NCKAP5: variants seen among roughly 807,000 people sequenced by gnomAD.
The protein encoded by NCKAP5 is NCK associated protein 5, also known as nck-associated protein 5.
In NCKAP5, 92 loss-of-function variants were observed where a neutral mutation model predicts 167.0. The ratio of observed to expected loss-of-function variants is 0.55; its 90% CI spans 0.47 to 0.66. The LOEUF (loss-of-function observed/expected upper bound fraction) is 0.66, where lower values mean the gene tolerates loss of function less well. NCKAP5 is among the 30% of genes least tolerant of loss of function. The probability of loss-of-function intolerance (pLI) is 0.00; values close to 1 mark genes in which losing one functional copy is unlikely to be tolerated. For synonymous variants in NCKAP5, 891 were observed against 877.4 expected (o/e 1.02, Z -0.27); for missense variants, 2,378 against 2,315.0 (o/e 1.03, Z -0.56).
intron 11 of NCKAP5, among the ~76,000 whole-genome samples, chr2:132,849,701 G>A (rs1688932517): frequency 6.6e-6 from 1 of 152,192 alleles, no homozygotes; most frequent in East Asian, 1.9e-4. Context: ...ATGTGGTGCA[G>A]AGGGGATGTG....
At chr2:133,537,642 C>T (rs550414926) in intron 2 of NCKAP5, among the ~76,000 whole-genome samples, 2 of 152,006 alleles carry the variant, frequency 1.3e-5, no homozygotes, top group African/African-American at 4.8e-5. Flanking sequence ...AAAACTAGTT[C>T]GTATTTCCTT....
At chr2:132,996,982 G>C (rs2077621768) in intron 6 of NCKAP5, among the ~76,000 whole-genome samples, 1 of 152,198 alleles carries the variant, frequency 6.6e-6, no homozygotes, top group Non-Finnish European at 1.5e-5. Flanking sequence ...GCATGTATTT[G>C]AGTGACTCAG....
At chr2:133,224,285 G>A (rs2086787925) in intron 4 of NCKAP5, among the ~76,000 whole-genome samples, 1 of 152,116 alleles carries the variant, frequency 6.6e-6, no homozygotes, top group Non-Finnish European at 1.5e-5. Context: ...GTGACTTTGT[G>A]GTCTTTCTGC....
Position 133,079,809 on chromosome 2 carries a change from T to G in NCKAP5, c.341+50169A>C, listed in dbSNP as rs535275558. On this transcript the variant is annotated intron_variant, in intron 6 of 19. Coordinates refer to ENST00000409261, the MANE Select transcript of NCKAP5 (RefSeq NM_207363.3). Reference sequence around the variant, plus strand: ...CACCTACCTTTTCACTTATTACATTTGAATATCTTTCCATGTATTCAAAAT... The same window carrying G: ...CACCTACCTTTTCACTTATTACATTGGAATATCTTTCCATGTATTCAAAAT... Among the ~76,000 whole-genome samples the G allele has an allele frequency of 2.4e-4, 36 of 152,310 alleles. No individual in the cohort carries two copies. In the Middle Eastern group the frequency reaches 0.017, roughly 72 times the overall value.
Position 132,782,757 on chromosome 2 carries a change from G to A in NCKAP5, c.4054C>T (p.Leu1352=), listed in dbSNP as rs1683156414. 5 of 1,613,920 alleles carry A rather than the reference G, an allele frequency of 3.1e-6. No homozygotes were observed. The highest frequency in any genetic ancestry group is 4.2e-6 in the Non-Finnish European group (5 of 1,179,838). Residue 1352 remains leucine (L), a synonymous_variant, in exon 14 of 20, where the codon CTG becomes TTG. Transcript: ENST00000409261. ...SGHPSSGKGS[L]GSSGSFSSQH... is the part of the protein sequence containing the mutation. ...CTGCTGAAGCTGCCTGAGCTCCCCAGGGAGCCCTTCCCGGAGGAGGGGTGC... is the reference window on the plus strand; with the variant it reads ...CTGCTGAAGCTGCCTGAGCTCCCCAAGGAGCCCTTCCCGGAGGAGGGGTGC...
chr2:133,223,616 T>C (rs2086752634), intron 4 of NCKAP5, among the ~76,000 whole-genome samples: 1 of 152,156 alleles, frequency 6.6e-6, no homozygotes, highest in African/African-American at 2.4e-5. Flanking sequence ...GAAAGAAATG[T>C]CTTTATATAC....
At chr2:132,838,354 G>C (rs901124684) in intron 11 of NCKAP5, among the ~76,000 whole-genome samples, 2 of 152,138 alleles carry the variant, frequency 1.3e-5, no homozygotes, top group Non-Finnish European at 2.9e-5. Flanking sequence ...AATCGGGGCC[G>C]GGCGCGGTGG....
chr2:132,710,843 AC>A (rs1688767080), intron 19 of NCKAP5, among the ~76,000 whole-genome samples: 2 of 152,326 alleles, frequency 1.3e-5, no homozygotes, highest in South Asian at 4.1e-4. Flanking sequence ...TCCCAGGAGA[AC>A]CAAAGAGATA....
At chr2:132,684,249 C>CT (rs1685641503) in intron 19 of NCKAP5, among the ~76,000 whole-genome samples, 1 of 152,182 alleles carries the variant, frequency 6.6e-6, no homozygotes, top group Non-Finnish European at 1.5e-5. Flanking sequence ...AATGCGATTG[C>CT]TATGAGAATT....
chr2:133,619,389 TA>T, the NCKAP5 span, among the ~76,000 whole-genome samples: 1 of 151,530 alleles, frequency 6.6e-6, no homozygotes, highest in Non-Finnish European at 1.5e-5. Context: ...AAAGCATAAA[TA>T]AAAAACAATC....
intron 6 of NCKAP5, among the ~76,000 whole-genome samples, chr2:133,039,373 G>A (rs2079140124): frequency 6.6e-6 from 1 of 152,146 alleles, no homozygotes; most frequent in Admixed American, 6.6e-5. Context: ...TTCTAGTTTA[G>A]TTTAGCTAGT....
intron 19 of NCKAP5, among the ~76,000 whole-genome samples, chr2:132,723,140 ATTTTTTT>A (rs869234028): frequency 2.1e-4 from 20 of 93,432 alleles, no homozygotes; most frequent in African/African-American, 7.6e-4. Context: ...GCCAGGTGGT[ATTTTTTT>A]TTTTTTTTTT....
chr2:132,741,686 T>C (rs1183087133), intron 16 of NCKAP5, among the ~76,000 whole-genome samples: 3 of 152,142 alleles, frequency 2.0e-5, no homozygotes, highest in Non-Finnish European at 4.4e-5. Flanking sequence ...CTTACTTTAA[T>C]TAGCAAAACC....
intron 4 of NCKAP5, among the ~76,000 whole-genome samples, chr2:133,291,498 T>C (rs1309655746): frequency 1.3e-5 from 2 of 152,150 alleles, no homozygotes; most frequent in Non-Finnish European, 1.5e-5. Context: ...ATCTCCCCTA[T>C]TGGTAAAATG....
chr2:133,671,069 G>C, the NCKAP5 span, among the ~76,000 whole-genome samples: 1 of 151,916 alleles, frequency 6.6e-6, no homozygotes, highest in Non-Finnish European at 1.5e-5. Flanking sequence ...CAAAAAATTA[G>C]CTGGGCGTGG....
At chr2:133,575,325 T>C in the NCKAP5 span, among the ~76,000 whole-genome samples, 127,142 of 152,222 alleles carry the variant, frequency 0.84, 53,331 homozygotes, top group East Asian at 0.97. Context: ...CATTGTTCAA[T>C]CTACAAATCT....
intron 3 of NCKAP5, among the ~76,000 whole-genome samples, chr2:133,341,152 A>G (rs1015539456): frequency 6.6e-6 from 1 of 151,762 alleles, no homozygotes; most frequent in African/African-American, 2.4e-5. Context: ...ACATTCTTTT[A>G]CCCCATGGAA....
At chr2:132,749,538 G>A (rs924066080) in intron 16 of NCKAP5, among the ~76,000 whole-genome samples, 2 of 152,092 alleles carry the variant, frequency 1.3e-5, no homozygotes, top group African/African-American at 4.8e-5. Context: ...TGAAAAAGAT[G>A]GTCCTTTTAA....
intron 6 of NCKAP5, among the ~76,000 whole-genome samples, chr2:133,083,171 G>A (rs558251790): frequency 6.6e-6 from 1 of 152,126 alleles, no homozygotes; most frequent in Non-Finnish European, 1.5e-5. Flanking sequence ...CAGATTCGCT[G>A]TAAGAGAATT....
Sources: gnomAD v4.1 joint callset for allele counts (sites outside exome capture counted in the v4.1 genomes callset) on GRCh38, gnomAD v4.1.1 for gene constraint, MANE v1.5 for transcripts, NCBI Gene and HGNC (gene_info 2026-07-23, HGNC 2026-07-21) for gene names.